CLPB: variants seen among roughly 807,000 people sequenced by gnomAD.
The protein encoded by CLPB is ClpB family mitochondrial disaggregase.
A neutral mutation model predicts 78.4 loss-of-function variants in CLPB; 40 were observed. The ratio of observed to expected loss-of-function variants is 0.51; its 90% CI spans 0.40 to 0.66. The LOEUF (loss-of-function observed/expected upper bound fraction) is 0.66, where lower values mean the gene tolerates loss of function less well. CLPB is among the 30% of genes least tolerant of loss of function. CLPB has a pLI of 0.00. For missense variants in CLPB, 780 were observed against 886.9 expected (o/e 0.88, Z 1.53); for synonymous variants, 333 against 348.0 (o/e 0.96, Z 0.48).
chr11:72,405,910 AGAGT>A (rs1359008274), intron 2 of CLPB, among the ~76,000 whole-genome samples: 3 of 151,782 alleles, frequency 2.0e-5, no homozygotes, highest in African/African-American at 7.3e-5. Flanking sequence ...CCCGGGCGAC[AGAGT>A]GAGACTCTGT....
At chr11:72,366,540 G>A (rs1021218465) in intron 4 of CLPB, among the ~76,000 whole-genome samples, 4 of 151,920 alleles carry the variant, frequency 2.6e-5, no homozygotes. Flanking sequence ...GAATCTATAA[G>A]GAACTTAAAC....
In CLPB at chr11:72,294,142, T is replaced by C; in HGVS notation, c.1681-16A>G. 1 of 1,612,888 alleles carries C rather than the reference T, an allele frequency of 6.2e-7. No individual in the cohort carries two copies. Among genetic ancestry groups the C allele is most frequent in the South Asian group, 1.1e-5 (1 of 90,986 alleles). ...TTTGCTTGGCCTGAGATGGGTCAGA[T>C]AGAAGCATGCCTGCATGTGGCCCAC... On this transcript the variant is annotated splice_polypyrimidine_tract_variant and intron_variant, in intron 14 of 15. Transcript: ENST00000538039.
At chr11:72,324,877 A>G (rs1950104794) in intron 6 of CLPB, among the ~76,000 whole-genome samples, 1 of 152,260 alleles carries the variant, frequency 6.6e-6, no homozygotes, top group Admixed American at 6.5e-5. Context: ...CCAGGGGAGC[A>G]TCACATCCCC....
chr11:72,402,933 T>G, intron 3 of CLPB, 33 bp downstream of exon 3: 1 of 1,591,414 alleles, frequency 6.3e-7, no homozygotes, highest in South Asian at 1.1e-5. Context: ...GAGATCTGCC[T>G]AAAGGAGCCC....
intron 2 of CLPB, among the ~76,000 whole-genome samples, chr11:72,404,754 A>C (rs994738329): frequency 6.6e-6 from 1 of 151,954 alleles, no homozygotes; most frequent in African/African-American, 2.4e-5. Flanking sequence ...GGTATATGAG[A>C]CCCCCTAAGA....
intron 9 of CLPB, 55 bp downstream of exon 9, chr11:72,307,144 C>T: frequency 2.0e-6 from 3 of 1,508,794 alleles, no homozygotes; most frequent in Non-Finnish European, 2.8e-6. Context: ...TTTGGGATAG[C>T]AGGAATGGTG....
At chr11:72,308,489 A>G in intron 8 of CLPB, 38 bp downstream of exon 8, 1 of 1,586,192 alleles carries the variant, frequency 6.3e-7, no homozygotes, top group African/African-American at 1.3e-5. Flanking sequence ...GCACTACCCT[A>G]GCTCTCTGTC....
chr11:72,420,858 T>TA lies in CLPB; in HGVS notation c.455+9453dup, dbSNP rs373186908. On this transcript the variant is annotated intron_variant, in intron 2 of 15. Coordinates refer to ENST00000538039, the MANE Select transcript of CLPB (RefSeq NM_001258392.3). ...CCTTTGATATACAAATGAAGGCCAT[T>TA]AAAAAAACTGGGTCTACCCAGCAGA... 2.5e-3 allele frequency among the ~76,000 whole-genome samples: 375 copies of TA among 152,164 alleles called. 4 individuals carry two copies. The highest frequency in any genetic ancestry group is 8.6e-3 in the African/African-American group (356 of 41,526).
intron 7 of CLPB, 105 bp from the exon 8 acceptor site, chr11:72,308,709 C>A: frequency 9.8e-7 from 1 of 1,020,028 alleles, no homozygotes; most frequent in Non-Finnish European, 1.5e-6. Context: ...TTTTACTGCT[C>A]TGCGCCCACT....
At chr11:72,296,692 A>G (rs576641342) in intron 11 of CLPB, among the ~76,000 whole-genome samples, 2 of 152,266 alleles carry the variant, frequency 1.3e-5, no homozygotes, top group South Asian at 2.1e-4. Flanking sequence ...TTTTGTGTAC[A>G]ACCCCACTCC....
At chr11:72,365,381 C>T (rs1950923774) in intron 4 of CLPB, among the ~76,000 whole-genome samples, 2 of 152,094 alleles carry the variant, frequency 1.3e-5, no homozygotes, top group Non-Finnish European at 2.9e-5. Context: ...TCTATGGAGA[C>T]AGAAAGTAAA....
chr11:72,378,443 A>ACC (rs1854788772), intron 4 of CLPB, among the ~76,000 whole-genome samples: 2 of 152,184 alleles, frequency 1.3e-5, no homozygotes, highest in South Asian at 2.1e-4. Context: ...ACGAAGCAAA[A>ACC]ATGGGAAACC....
intron 2 of CLPB, chr11:72,411,679 A>T (rs563467820): frequency 1.3e-5 from 2 of 152,282 alleles, no homozygotes; most frequent in South Asian, 4.1e-4. Context: ...GCTTTGAGTT[A>T]TTCTGGCTAA....
intron 4 of CLPB, among the ~76,000 whole-genome samples, chr11:72,374,054 G>A (rs919132675): frequency 1.3e-5 from 2 of 151,766 alleles, no homozygotes; most frequent in South Asian, 2.1e-4. Context: ...CAGGGGCACC[G>A]GAGGCCAGAT....
At chr11:72,372,943 G>A in intron 4 of CLPB, 1 of 1,614,062 alleles carries the variant, frequency 6.2e-7, no homozygotes, top group African/African-American at 1.3e-5. Flanking sequence ...GGGAGTCCTA[G>A]CCATCTCCTG....
At chr11:72,416,953 C>A (rs1856044472) in intron 2 of CLPB, among the ~76,000 whole-genome samples, 1 of 152,030 alleles carries the variant, frequency 6.6e-6, no homozygotes, top group Non-Finnish European at 1.5e-5. Context: ...AAGGTAGAAC[C>A]CTCACACGTT....
intron 2 of CLPB, chr11:72,408,213 T>C (rs985869705): frequency 4.2e-5 from 65 of 1,531,790 alleles, no homozygotes; most frequent in Admixed American, 7.9e-5. Flanking sequence ...GGCTGAGGTA[T>C]AATGGAAAAA....
intron 9 of CLPB, among the ~76,000 whole-genome samples, chr11:72,304,962 C>A (rs1949720437): frequency 6.6e-6 from 1 of 152,204 alleles, no homozygotes; most frequent in African/African-American, 2.4e-5. Flanking sequence ...CTCAAACATG[C>A]CTGTCATGTG....
intron 1 of CLPB, 170 bp from the exon 2 acceptor site, chr11:72,430,533 T>C: frequency 1.7e-6 from 1 of 602,260 alleles, no homozygotes; most frequent in East Asian, 2.9e-5. Flanking sequence ...CCACATGGTG[T>C]CCACTGTTAA....
Sources: allele counts gnomAD v4.1 joint callset (sites outside exome capture counted in the v4.1 genomes callset), GRCh38; gene constraint gnomAD v4.1.1; transcripts MANE v1.5; gene names NCBI Gene and HGNC (gene_info 2026-07-23, HGNC 2026-07-21).